The following BLOC1S5 variants were observed in gnomAD, a reference collection of about 807,000 sequenced individuals.
BLOC1S5 encodes the protein biogenesis of lysosome-related organelles complex 1 subunit 5.
Under a neutral mutation model 24.3 loss-of-function variants are expected in BLOC1S5, and 27 were observed. The observed-to-expected ratio is 1.11, with a 90% CI of 0.82 to 1.53. BLOC1S5 has a LOEUF of 1.53. Ranked by LOEUF, BLOC1S5 falls within the 40% of genes most tolerant of loss-of-function variation. The probability of loss-of-function intolerance (pLI) is 0.00; values close to 1 mark genes in which losing one functional copy is unlikely to be tolerated. For synonymous variants in BLOC1S5, 84 were observed against 74.5 expected, an observed-to-expected ratio of 1.13 and a Z score of -0.66; for missense variants, 239 against 229.4, an observed-to-expected ratio of 1.04 and a Z score of -0.27.
At chr6:8,041,360 T>C (rs1184486676) in intron 2 of BLOC1S5, 92 bp from the exon 3 acceptor site, 2 of 1,243,154 alleles carry the variant, frequency 1.6e-6, no homozygotes, top group South Asian at 1.6e-5. Context: ...TCGCCCAGAC[T>C]GGAGTGCGGT....
chr6:8,030,865 C>CAA (rs55692261), intron 3 of BLOC1S5, among the ~76,000 whole-genome samples: 2 of 118,542 alleles, frequency 1.7e-5, no homozygotes, highest in African/African-American at 6.4e-5. Context: ...GACCAACAGT[C>CAA]AAAAAAAAAA....
At chr6:8,018,559 G>A (rs997343581) in intron 4 of BLOC1S5, among the ~76,000 whole-genome samples, 8 of 152,168 alleles carry the variant, frequency 5.3e-5, no homozygotes. Flanking sequence ...ACGGAGCTTT[G>A]GCAGGCATAC....
At chr6:8,064,165 CCAGCCCGGGACCCGGGGGT>C (rs1226466472) in intron 1 of BLOC1S5, 81 bp downstream of exon 1, 4 of 1,033,338 alleles carry the variant, frequency 3.9e-6, no homozygotes, top group East Asian at 6.2e-5. Context: ...CGCACGCGCG[CCAGCCCGGGACCCGGGGGT>C]CGGCCCGGGT....
intron 2 of BLOC1S5, 27 bp from the exon 3 acceptor site, chr6:8,041,295 A>AAATATGGT: frequency 1.4e-6 from 2 of 1,445,514 alleles, no homozygotes; most frequent in African/African-American, 1.5e-5. Context: ...GATGACTAAT[A>AAATATGGT]AATATGGTGT....
chr6:8,034,482 G>A (rs1471496276), intron 3 of BLOC1S5, among the ~76,000 whole-genome samples: 4 of 152,184 alleles, frequency 2.6e-5, no homozygotes, highest in African/African-American at 9.7e-5. Flanking sequence ...CTGTCGGCGG[G>A]TGGAGGGCTG....
intron 2 of BLOC1S5, among the ~76,000 whole-genome samples, chr6:8,049,707 T>C (rs1414194079): frequency 2.6e-5 from 4 of 152,130 alleles, no homozygotes; most frequent in African/African-American, 9.7e-5. Context: ...TGTATATAAT[T>C]ATGTATATAC....
At chr6:8,027,640 C>G (rs951593857) in intron 3 of BLOC1S5, among the ~76,000 whole-genome samples, 2 of 152,126 alleles carry the variant, frequency 1.3e-5, no homozygotes, top group African/African-American at 2.4e-5. Flanking sequence ...TCGAGACTAG[C>G]CTGACCAACA....
At chr6:8,063,054 A>G (rs1262053993) in intron 1 of BLOC1S5, among the ~76,000 whole-genome samples, 2 of 152,102 alleles carry the variant, frequency 1.3e-5, no homozygotes, top group African/African-American at 4.8e-5. Context: ...TACGTATTTT[A>G]TAATAAATAT....
intron 2 of BLOC1S5, among the ~76,000 whole-genome samples, chr6:8,042,732 C>G (rs773885497): frequency 1.7e-4 from 26 of 152,114 alleles, no homozygotes; most frequent in Non-Finnish European, 3.8e-4. Flanking sequence ...ATCAGGGAAG[C>G]AAAAAGACTG....
chr6:8,026,484 C>T (rs1763110437), intron 3 of BLOC1S5, 59 bp from the exon 4 acceptor site: 2 of 1,346,878 alleles, frequency 1.5e-6, no homozygotes, highest in Non-Finnish European at 2.1e-6. Context: ...AAACACATAC[C>T]TGGGGGAGGA....
intron 3 of BLOC1S5, among the ~76,000 whole-genome samples, chr6:8,034,726 G>A (rs1763427349): frequency 6.6e-6 from 1 of 152,196 alleles, no homozygotes; most frequent in South Asian, 2.1e-4. Context: ...GTGGAAGACA[G>A]TGTGGAGATT....
chr6:8,036,429 G>T lies in BLOC1S5; in HGVS notation c.325+4710C>A, dbSNP rs1233406227. ...CGCCAACAAATTGGAAAACCTAGAA[G>T]AAATAAATTCCTAAATACATACAAG... On this transcript the variant is annotated intron_variant, in intron 3 of 4. Transcript: ENST00000397457. 3.3e-5 allele frequency among the ~76,000 whole-genome samples: 5 copies of T among 152,150 alleles called. No individual in the cohort carries two copies. The South Asian group carries it at 8.3e-4, about 25-fold the overall frequency.
intron 2 of BLOC1S5, among the ~76,000 whole-genome samples, chr6:8,054,089 CT>C (rs1465553400): frequency 6.6e-6 from 1 of 152,156 alleles, no homozygotes; most frequent in African/African-American, 2.4e-5. Flanking sequence ...AACACCTTCA[CT>C]TTTTTGGTGA....
Position 8,015,516 on chromosome 6 carries a change from T to G in BLOC1S5, c.*133A>C. The G allele has an allele frequency of 1.1e-6, 1 of 914,848 alleles. No individual in the cohort carries two copies. Among genetic ancestry groups the G allele is most frequent in the Non-Finnish European group, 1.6e-6 (1 of 631,186 alleles). The allele number at this position is 914,848 out of a possible 1,614,324, so 56.7% of individuals were successfully genotyped here. On this transcript the variant is annotated 3_prime_UTR_variant, in exon 5 of 5. Transcript: ENST00000397457. ...CAATCAGAATGCCAGTAGAAACTTC[T>G]TTCTTCTGATATAAGAGTGCCACTG...
chr6:8,034,522 A>C (rs1226555455), intron 3 of BLOC1S5, among the ~76,000 whole-genome samples: 1 of 152,190 alleles, frequency 6.6e-6, no homozygotes, highest in Non-Finnish European at 1.5e-5. Context: ...AGAAATACCT[A>C]ACGTAAATGA....
intron 2 of BLOC1S5, among the ~76,000 whole-genome samples, chr6:8,053,586 G>A (rs1414596688): frequency 6.6e-6 from 1 of 152,180 alleles, no homozygotes; most frequent in Non-Finnish European, 1.5e-5. Flanking sequence ...ACAGGATAGT[G>A]TAAACATACT....
At chr6:8,021,098 C>T (rs888668864) in intron 4 of BLOC1S5, among the ~76,000 whole-genome samples, 1 of 152,162 alleles carries the variant, frequency 6.6e-6, no homozygotes, top group Non-Finnish European at 1.5e-5. Context: ...ACACATGCTA[C>T]GGCATGGACG....
Position 8,044,479 on chromosome 6 carries a change from T to C in BLOC1S5, c.196-3211A>G, listed in dbSNP as rs572839460. Among the ~76,000 whole-genome samples, 9 of 152,098 alleles carry C rather than the reference T, an allele frequency of 5.9e-5. No homozygotes were observed. In the South Asian group the frequency reaches 1.5e-3, roughly 25 times the overall value. Reference sequence around the variant, plus strand: ...GTAGAGTGGGGCGTGGCTGAAAAGATAGAAGAAAATGTGGAAGCAACTTTG... The same window carrying C: ...GTAGAGTGGGGCGTGGCTGAAAAGACAGAAGAAAATGTGGAAGCAACTTTG... On this transcript the variant is annotated intron_variant, in intron 2 of 4. Coordinates refer to ENST00000397457, the MANE Select transcript of BLOC1S5 (RefSeq NM_201280.3).
intron 2 of BLOC1S5, among the ~76,000 whole-genome samples, chr6:8,046,367 A>AAT: frequency 6.6e-6 from 1 of 152,260 alleles, no homozygotes. Context: ...AAAATGGACT[A>AAT]ACACAGGGGT....
Sources: allele counts gnomAD v4.1 joint callset (sites outside exome capture counted in the v4.1 genomes callset), GRCh38; gene constraint gnomAD v4.1.1; transcripts MANE v1.5; gene names NCBI Gene and HGNC (gene_info 2026-07-23, HGNC 2026-07-21).